ULK4: variants seen among roughly 807,000 people sequenced by gnomAD.
ULK4 encodes the protein unc-51 like kinase 4.
A neutral mutation model predicts 160.6 loss-of-function variants in ULK4; 133 were observed. That is an observed-to-expected ratio of 0.83 (90% CI 0.72 to 0.96). ULK4 has a LOEUF of 0.96. Among genes scored for constraint, ULK4 ranks in the 40% least tolerant of loss-of-function variants. ULK4 has a pLI of 0.00. For missense variants in ULK4, 1,580 were observed against 1,499.5 expected, an observed-to-expected ratio of 1.05 and a Z score of -0.89; for synonymous variants, 534 against 539.8, an observed-to-expected ratio of 0.99 and a Z score of 0.15.
At chr3:41,265,461 G>A (rs2079014640) in intron 35 of ULK4, among the ~76,000 whole-genome samples, 1 of 152,154 alleles carries the variant, frequency 6.6e-6, no homozygotes, top group African/African-American at 2.4e-5. Flanking sequence ...GAAACATTAG[G>A]GGCCGCCAAA....
At chr3:41,476,639 CT>C (rs1241155322) in intron 32 of ULK4, among the ~76,000 whole-genome samples, 1 of 151,880 alleles carries the variant, frequency 6.6e-6, no homozygotes, top group Non-Finnish European at 1.5e-5. Context: ...TCTCTTTTCT[CT>C]CCCTCTCTCT....
intron 34 of ULK4, among the ~76,000 whole-genome samples, chr3:41,427,860 C>A (rs1252112462): frequency 3.3e-5 from 5 of 152,206 alleles, no homozygotes; most frequent in Admixed American, 2.6e-4. Flanking sequence ...AAAACTGGCA[C>A]AAGACAAGGA....
intron 35 of ULK4, among the ~76,000 whole-genome samples, chr3:41,337,932 G>A (rs1315990002): frequency 6.6e-6 from 1 of 152,164 alleles, no homozygotes; most frequent in Non-Finnish European, 1.5e-5. Flanking sequence ...GTCTAGCCTC[G>A]TCTCTGAAAA....
intron 34 of ULK4, among the ~76,000 whole-genome samples, chr3:41,411,325 A>G: frequency 6.6e-6 from 1 of 151,978 alleles, no homozygotes; most frequent in East Asian, 1.9e-4. Context: ...AAACATTTAC[A>G]ATCTATTCTC....
intron 34 of ULK4, among the ~76,000 whole-genome samples, chr3:41,450,778 T>C (rs2083408623): frequency 6.6e-6 from 1 of 152,232 alleles, no homozygotes; most frequent in African/African-American, 2.4e-5. Context: ...TTCTTCACTT[T>C]ATACACAGCT....
chr3:41,961,550 A>ACCCCTTCCCCC (rs57463009), intron 1 of ULK4, among the ~76,000 whole-genome samples: 2 of 124,692 alleles, frequency 1.6e-5, no homozygotes, highest in African/African-American at 8.5e-5. Flanking sequence ...GTAGTCACTC[A>ACCCCTTCCCCC]CCCCCCCCCC....
chr3:41,896,682 C>A, intron 15 of ULK4, 140 bp downstream of exon 15: 1 of 908,906 alleles, frequency 1.1e-6, no homozygotes, highest in South Asian at 2.2e-5. Flanking sequence ...AAGGATTAAG[C>A]AGAGGATAAT....
At chr3:41,494,045 T>C (rs369377386) in intron 32 of ULK4, among the ~76,000 whole-genome samples, 11,892 of 115,544 alleles carry the variant, frequency 0.1, 580 homozygotes, top group Admixed American at 0.14. Flanking sequence ...TTCCAATCAA[T>C]AGAAAAAGAG....
chr3:41,852,958 A>T (rs1162421396), intron 17 of ULK4, among the ~76,000 whole-genome samples: 1 of 152,228 alleles, frequency 6.6e-6, no homozygotes, highest in Non-Finnish European at 1.5e-5. Context: ...TCAAGTCTCA[A>T]AAGCAGGTCT....
chr3:41,710,873 C>A (rs1366464797), intron 25 of ULK4, among the ~76,000 whole-genome samples: 1 of 151,630 alleles, frequency 6.6e-6, no homozygotes, highest in Non-Finnish European at 1.5e-5. Flanking sequence ...AAAGCAGAGC[C>A]CTGGCAGGGC....
intron 29 of ULK4, among the ~76,000 whole-genome samples, chr3:41,676,084 C>T (rs763985316): frequency 2.0e-5 from 3 of 152,096 alleles, no homozygotes; most frequent in Admixed American, 6.6e-5. Context: ...GAGCAGAGAA[C>T]CCACGGACAC....
intron 35 of ULK4, among the ~76,000 whole-genome samples, chr3:41,321,055 C>T (rs190226983): frequency 6.6e-6 from 1 of 151,920 alleles, no homozygotes; most frequent in East Asian, 1.9e-4. Flanking sequence ...ATCTTAATTG[C>T]CAGGCCTCTC....
intron 31 of ULK4, among the ~76,000 whole-genome samples, chr3:41,571,704 A>C (rs1285419498): frequency 2.0e-5 from 3 of 152,198 alleles, no homozygotes; most frequent in African/African-American, 7.2e-5. Flanking sequence ...TCATCATTAG[A>C]TGCTCCTCTG....
chr3:41,853,749 C>G (rs1005405153), intron 17 of ULK4, among the ~76,000 whole-genome samples: 1 of 152,142 alleles, frequency 6.6e-6, no homozygotes, highest in African/African-American at 2.4e-5. Flanking sequence ...GATAAGAGAT[C>G]ATGGACCATG....
At position 41,798,351 on chromosome 3, in the gene ULK4, T is replaced by C. The variant is rs567939672; in HGVS notation, c.2010+1781A>G. On this transcript the variant is annotated intron_variant, in intron 20 of 36. Transcript: ENST00000301831. ...CTCAAGAAAGTTCACTGGTATACTTTGTAACTGTTTCTGATTGTTTACCTG... is the reference window on the plus strand; with the variant it reads ...CTCAAGAAAGTTCACTGGTATACTTCGTAACTGTTTCTGATTGTTTACCTG... 2.6e-5 allele frequency among the ~76,000 whole-genome samples: 4 copies of C among 152,330 alleles called. No homozygotes were observed. In the East Asian group the frequency reaches 7.7e-4, roughly 29 times the overall value.
rs556053849 is a variant in ULK4 at position 41,378,397 on chromosome 3, TAAATA to T, written c.3678+19677_3678+19681del. 1.1e-3 allele frequency among the ~76,000 whole-genome samples: 161 copies of T among 149,530 alleles called. 2 individuals carry two copies. Among genetic ancestry groups the T allele is most frequent in the African/African-American group, 3.8e-3 (153 of 40,682 alleles). ...AATAATAAAAGAAAAAAAGAATAAATAAATAAAATAAAATGAGTGGCACTTACATA... is the reference window on the plus strand; with the variant it reads ...AATAATAAAAGAAAAAAAGAATAAATAAATAAAATGAGTGGCACTTACATA... On this transcript the variant is annotated intron_variant, in intron 35 of 36. Coordinates refer to ENST00000301831, the MANE Select transcript of ULK4 (RefSeq NM_017886.4).
In ULK4 at chr3:41,309,554, A is replaced by G. The variant is rs573648103; in HGVS notation, c.3679-59980T>C. ...GACTGATTACCTATAAAAAATGGCA[A>G]TTAGATTCAAAGTAGCCTTTTTGAC... On this transcript the variant is annotated intron_variant, in intron 35 of 36. Coordinates refer to ENST00000301831, the MANE Select transcript of ULK4 (RefSeq NM_017886.4). Among the ~76,000 whole-genome samples the G allele has an allele frequency of 4.6e-5, 7 of 152,312 alleles. No homozygotes were observed. In the South Asian group the frequency reaches 1.0e-3, roughly 23 times the overall value.
intron 22 of ULK4, among the ~76,000 whole-genome samples, chr3:41,728,482 G>A (rs2037723100): frequency 6.6e-6 from 1 of 152,116 alleles, no homozygotes; most frequent in Non-Finnish European, 1.5e-5. Context: ...AGCCATTCAT[G>A]AGGGATCCAT....
intron 34 of ULK4, among the ~76,000 whole-genome samples, chr3:41,417,344 T>C (rs530565734): frequency 6.6e-5 from 10 of 152,178 alleles, no homozygotes; most frequent in African/African-American, 2.4e-4. Context: ...GGAAGGGGAA[T>C]ATGTCTAGAA....
Sources: gnomAD v4.1 joint callset for allele counts (sites outside exome capture counted in the v4.1 genomes callset) on GRCh38, gnomAD v4.1.1 for gene constraint, MANE v1.5 for transcripts, NCBI Gene and HGNC (gene_info 2026-07-23, HGNC 2026-07-21) for gene names.